The following ZFAND3 variants were observed in gnomAD, a reference collection of about 807,000 sequenced individuals.
ZFAND3 encodes zinc finger AN1-type containing 3, also known as AN1-type zinc finger protein 3.
Under a neutral mutation model 29.6 loss-of-function variants are expected in ZFAND3, and 10 were observed. That is an observed-to-expected ratio of 0.34 (90% CI 0.21 to 0.57). The LOEUF is 0.57. Among genes scored for constraint, ZFAND3 ranks in the 20% least tolerant of loss-of-function variants. The probability of loss-of-function intolerance (pLI) is 0.86; values close to 1 mark genes in which losing one functional copy is unlikely to be tolerated. For missense variants in ZFAND3, 230 were observed against 304.5 expected (o/e 0.76, Z 1.82); for synonymous variants, 128 against 112.6 (o/e 1.14, Z -0.87).
At chr6:37,832,828 C>A (rs1214197971) in intron 1 of ZFAND3, 1 of 152,168 alleles carries the variant, frequency 6.6e-6, no homozygotes. Flanking sequence ...AGGTGCATGC[C>A]ACCACACCTG....
intron 3 of ZFAND3, among the ~76,000 whole-genome samples, chr6:38,077,281 G>T (rs967729002): frequency 1.9e-4 from 29 of 152,038 alleles, no homozygotes; most frequent in Non-Finnish European, 4.0e-4. Flanking sequence ...ATTACCTTTA[G>T]AACTGTGAGC....
chr6:38,044,018 A>C (rs1307526429), intron 2 of ZFAND3, among the ~76,000 whole-genome samples: 1 of 152,176 alleles, frequency 6.6e-6, no homozygotes, highest in African/African-American at 2.4e-5. Context: ...TTTAAATGAC[A>C]CAATAAAAAA....
intron 1 of ZFAND3, among the ~76,000 whole-genome samples, chr6:37,918,296 C>T (rs1008081505): frequency 3.9e-5 from 6 of 152,042 alleles, no homozygotes; most frequent in African/African-American, 1.5e-4. Flanking sequence ...AGGATGGTCT[C>T]GATCTCCTGA....
chr6:37,959,383 T>A (rs1463223924), intron 2 of ZFAND3, among the ~76,000 whole-genome samples: 1 of 152,232 alleles, frequency 6.6e-6, no homozygotes, highest in Non-Finnish European at 1.5e-5. Flanking sequence ...CATAGATGGC[T>A]CCAAATCCAG....
intron 5 of ZFAND3, among the ~76,000 whole-genome samples, chr6:38,127,160 C>G (rs1044999028): frequency 6.6e-6 from 1 of 152,118 alleles, no homozygotes; most frequent in African/African-American, 2.4e-5. Context: ...CTTGCCTTTT[C>G]CTTGATCTTA....
intron 1 of ZFAND3, among the ~76,000 whole-genome samples, chr6:37,875,509 A>G (rs1275773975): frequency 6.6e-6 from 1 of 152,182 alleles, no homozygotes; most frequent in African/African-American, 2.4e-5. Flanking sequence ...AGAGCATCCC[A>G]GAACTCTGAG....
intron 2 of ZFAND3, among the ~76,000 whole-genome samples, chr6:37,990,001 T>C (rs1249199157): frequency 2.0e-5 from 3 of 152,166 alleles, no homozygotes; most frequent in African/African-American, 7.2e-5. Flanking sequence ...ATGCTTCTTA[T>C]ATTTATCCTC....
At chr6:37,914,473 G>A (rs1043648396) in intron 1 of ZFAND3, among the ~76,000 whole-genome samples, 1 of 151,846 alleles carries the variant, frequency 6.6e-6, no homozygotes, top group Non-Finnish European at 1.5e-5. Context: ...TGAGTAGTGG[G>A]GATTACAGGT....
At chr6:38,135,276 C>G (rs1562012301) in intron 5 of ZFAND3, among the ~76,000 whole-genome samples, 1 of 152,182 alleles carries the variant, frequency 6.6e-6, no homozygotes, top group Non-Finnish European at 1.5e-5. Flanking sequence ...CAGCAAAGTT[C>G]AGAGGCAAAA....
intron 4 of ZFAND3, among the ~76,000 whole-genome samples, chr6:38,094,835 G>A (rs9470770): frequency 0.03 from 4,512 of 152,184 alleles, 175 homozygotes; most frequent in African/African-American, 0.085. Context: ...GTCCAGAAGC[G>A]TTTCAGGTTT....
chr6:37,867,330 CACAG>C (rs1470951105), intron 1 of ZFAND3, among the ~76,000 whole-genome samples: 1 of 145,210 alleles, frequency 6.9e-6, no homozygotes, highest in African/African-American at 2.9e-5. Context: ...TCATATGAAT[CACAG>C]ACAGAAACTC....
chr6:37,977,985 G>A (rs909384188), intron 2 of ZFAND3, among the ~76,000 whole-genome samples: 3 of 150,714 alleles, frequency 2.0e-5, no homozygotes, highest in African/African-American at 7.3e-5. Flanking sequence ...AGGCTAGAGT[G>A]CAGTGGCTTG....
intron 2 of ZFAND3, among the ~76,000 whole-genome samples, chr6:38,038,906 C>T (rs1487088831): frequency 2.0e-5 from 3 of 152,198 alleles, no homozygotes; most frequent in Non-Finnish European, 2.9e-5. Context: ...AAACCTGGTT[C>T]ATTTGAAGCT....
chr6:37,971,979 A>C (rs1057509916), intron 2 of ZFAND3, among the ~76,000 whole-genome samples: 4 of 151,858 alleles, frequency 2.6e-5, no homozygotes, highest in African/African-American at 9.7e-5. Context: ...TGTCTCAAAA[A>C]AAATAAAATA....
chr6:37,896,006 T>C (rs988068266), intron 1 of ZFAND3, among the ~76,000 whole-genome samples: 1 of 152,334 alleles, frequency 6.6e-6, no homozygotes, highest in South Asian at 2.1e-4. Context: ...GCTATGGCAT[T>C]TGTTCCCTCT....
intron 2 of ZFAND3, among the ~76,000 whole-genome samples, chr6:37,946,668 A>G (rs1237479081): frequency 2.0e-5 from 3 of 152,178 alleles, no homozygotes; most frequent in African/African-American, 4.8e-5. Context: ...TTCTCACAGC[A>G]TTATCAAATA....
At chr6:38,020,397 CAT>C (rs953129595) in intron 2 of ZFAND3, among the ~76,000 whole-genome samples, 13 of 152,038 alleles carry the variant, frequency 8.6e-5, no homozygotes, top group Admixed American at 2.0e-4. Flanking sequence ...AAAAAAAAAA[CAT>C]GTTTCAAATT....
chr6:38,122,822 T>C (rs1241597389), intron 5 of ZFAND3, among the ~76,000 whole-genome samples: 2 of 152,188 alleles, frequency 1.3e-5, no homozygotes, highest in Non-Finnish European at 2.9e-5. Context: ...GAGAGATTAA[T>C]TGCAACTCAA....
chr6:38,152,578 G>T lies in ZFAND3; in HGVS notation c.*189G>T. 1 of 1,266,044 alleles carries T rather than the reference G, an allele frequency of 7.9e-7. No homozygotes were observed. The highest frequency in any genetic ancestry group is 3.3e-5 in the South Asian group (1 of 30,722). 78.4% of individuals were successfully genotyped at this position (1,266,044 alleles called of 1,614,324 possible). A position where few individuals can be genotyped will look rare whatever the true frequency, so the allele number is the denominator to read the frequency against. On this transcript the variant is annotated 3_prime_UTR_variant, in exon 6 of 6. Transcript: ENST00000287218. ...GGTGGTTGAAATTGATTTCTGGCTG[G>T]TTACTAAGGTGCCTGCTAGCCATTG...
Sources: gnomAD v4.1 joint callset for allele counts (sites outside exome capture counted in the v4.1 genomes callset) on GRCh38, gnomAD v4.1.1 for gene constraint, MANE v1.5 for transcripts, NCBI Gene and HGNC (gene_info 2026-07-23, HGNC 2026-07-21) for gene names.